COQ6: variants seen among roughly 807,000 people sequenced by gnomAD.
COQ6 encodes ubiquinone biosynthesis monooxygenase COQ6, mitochondrial.
A neutral mutation model predicts 55.5 loss-of-function variants in COQ6; 45 were observed. That is an observed-to-expected ratio of 0.81 (90% confidence interval 0.64 to 1.04). COQ6 has a LOEUF of 1.04. Ranked by LOEUF, COQ6 falls within the 50% of genes least tolerant of loss-of-function variation. The probability of loss-of-function intolerance (pLI) is 0.00; values close to 1 mark genes in which losing one functional copy is unlikely to be tolerated. For synonymous variants in COQ6, 206 were observed against 230.5 expected, an observed-to-expected ratio of 0.89 and a Z score of 0.96; for missense variants, 550 against 601.3, an observed-to-expected ratio of 0.91 and a Z score of 0.89.
upstream of COQ6, chr14:73,950,001 G>A (rs752601872): frequency 6.2e-7 from 1 of 1,613,072 alleles, no homozygotes; most frequent in Non-Finnish European, 8.5e-7. Flanking sequence ...GCCTCCGGGG[G>A]CTCCCTCAGG....
intron 8 of COQ6, chr14:73,960,149 C>T (rs1227708451): frequency 1.0e-6 from 1 of 989,582 alleles, no homozygotes; most frequent in Non-Finnish European, 1.2e-6. Context: ...ACCTTTCAAG[C>T]CTGATTCATT....
At position 73,955,475 on chromosome 14, in the gene COQ6, G is replaced by C; in HGVS notation, c.323G>C (p.Cys108Ser). 6.2e-7 allele frequency: 1 copy of C among 1,614,138 alleles called. No homozygotes were observed. The highest frequency in any genetic ancestry group is 1.1e-5 in the South Asian group (1 of 91,074). The part of the protein sequence containing the change: ...LSSFGAWDHI[C>S]NMRYRAFRRM... Reference sequence around the variant, plus strand: ...GGTTTTGGTGCCTGGGACCATATCTGCAACATGAGATACAGAGCCTTTCGG... The same window carrying C: ...GGTTTTGGTGCCTGGGACCATATCTCCAACATGAGATACAGAGCCTTTCGG... Residue 108 changes from cysteine (C) to serine (S), a missense_variant, in exon 3 of 12, where the codon TGC (cysteine) becomes TCC (serine). Cys to Ser is a moderately radical substitution (Grantham distance 112). Coordinates refer to ENST00000334571, the MANE Select transcript of COQ6 (RefSeq NM_182476.3).
intron 5 of COQ6, 189 bp from the exon 6 acceptor site, chr14:73,958,782 C>T (rs2056565011): frequency 1.3e-6 from 2 of 1,495,832 alleles, no homozygotes; most frequent in Non-Finnish European, 8.9e-7. Context: ...CCAGCTTTGG[C>T]TCTGTTGGCT....
At chr14:73,957,660 G>A (rs182690177) in intron 4 of COQ6, among the ~76,000 whole-genome samples, 5 of 152,108 alleles carry the variant, frequency 3.3e-5, no homozygotes, top group Admixed American at 2.0e-4. Flanking sequence ...GAACTCCTGG[G>A]CTCAAGTGAT....
intron 8 of COQ6, chr14:73,959,879 G>GT (rs2056630681): frequency 1.6e-6 from 2 of 1,236,038 alleles, no homozygotes; most frequent in Non-Finnish European, 2.0e-6. Flanking sequence ...CAGAAAGGTG[G>GT]TTTTGAGTCA....
In COQ6 at chr14:73,954,094, C is replaced by T. The variant is rs2056307305; in HGVS notation, c.298+525C>T. ...TCTTCCATCACTTTCTAGCCCCTTT[C>T]CCTGCTCTATTTTTCTTCATAATGC... On this transcript the variant is annotated intron_variant, in intron 2 of 11. Coordinates refer to ENST00000334571, the MANE Select transcript of COQ6 (RefSeq NM_182476.3). Among the ~76,000 whole-genome samples, 3 of 152,334 alleles carry T rather than the reference C, an allele frequency of 2.0e-5. No homozygotes were observed. In the South Asian group the frequency reaches 6.2e-4, roughly 32 times the overall value.
intron 3 of COQ6, 55 bp from the exon 4 acceptor site, chr14:73,955,750 T>A (rs1488668189): frequency 1.4e-5 from 22 of 1,613,302 alleles, no homozygotes; most frequent in Non-Finnish European, 1.8e-5. Context: ...TTGTTTCTGA[T>A]TGGAGTGATG....
chr14:73,950,132 T>C, upstream of COQ6: 2 of 1,598,584 alleles, frequency 1.3e-6, no homozygotes, highest in Non-Finnish European at 1.7e-6. Flanking sequence ...CTTTGGCGTC[T>C]GGTTGGCTTC....
intron 1 of COQ6, among the ~76,000 whole-genome samples, chr14:73,952,819 G>A (rs181206890): frequency 6.6e-6 from 1 of 152,112 alleles, no homozygotes; most frequent in East Asian, 1.9e-4. Context: ...GGGATTACAG[G>A]TGCCCGCCAT....
In COQ6 at chr14:73,955,942, C is replaced by G. The variant is rs762957015; in HGVS notation, c.481+14C>G. On this transcript the variant is annotated intron_variant, in intron 4 of 11. Transcript: ENST00000334571. ...AGGCTGTGTCTGGTGAGGCCCCCATCTTCCACCTTGCATTCATTGGGAAGT... is the reference window on the plus strand; with the variant it reads ...AGGCTGTGTCTGGTGAGGCCCCCATGTTCCACCTTGCATTCATTGGGAAGT... 3.7e-6 allele frequency: 6 copies of G among 1,613,930 alleles called. No homozygotes were observed. The East Asian group carries it at 1.3e-4, about 36-fold the overall frequency.
chr14:73,949,996 C>T (rs776289743), upstream of COQ6: 1 of 1,613,364 alleles, frequency 6.2e-7, no homozygotes, highest in South Asian at 1.1e-5. Flanking sequence ...TCCGCGCCTC[C>T]GGGGGCTCCC....
chr14:73,959,277 C>A, intron 7 of COQ6, 53 bp downstream of exon 7: 1 of 1,614,236 alleles, frequency 6.2e-7, no homozygotes, highest in South Asian at 1.1e-5. Flanking sequence ...CTTTCCTCTT[C>A]ACTTTCTCTC....
chr14:73,962,973 C>T lies in COQ6; in HGVS notation c.1381C>T (p.Gln461Ter), dbSNP rs778363311. The change falls in exon 12 of 12, where the codon CAG becomes TAG. Residue 461 changes from glutamine to a stop codon, truncating the protein, a stop_gained. Coordinates refer to ENST00000334571, the MANE Select transcript of COQ6 (RefSeq NM_182476.3). LOFTEE classifies it high-confidence loss of function. Reference protein sequence around the residue: ...ATNAVSPLKEQIMAFASK With the variant: ...ATNAVSPLKE ...TTCACTTTTATTTTTTCTCCAGGAA[C>T]AGATTATGGCCTTTGCAAGCAAATG... 1.2e-6 allele frequency: 2 copies of T among 1,608,052 alleles called. No homozygotes were observed. Among genetic ancestry groups the T allele is most frequent in the East Asian group, 2.2e-5 (1 of 44,846 alleles).
chr14:73,952,433 T>G (rs2056239888), intron 1 of COQ6, among the ~76,000 whole-genome samples: 1 of 151,970 alleles, frequency 6.6e-6, no homozygotes, highest in Non-Finnish European at 1.5e-5. Flanking sequence ...TTCTTTCTTT[T>G]CTTTTCTTTT....
intron 1 of COQ6, among the ~76,000 whole-genome samples, chr14:73,951,299 A>G (rs1309783967): frequency 1.3e-5 from 2 of 150,174 alleles, no homozygotes; most frequent in South Asian, 2.1e-4. Flanking sequence ...CCTGGCCATT[A>G]TTTTGTTTAT....
intron 2 of COQ6, chr14:73,953,893 G>A (rs541726154): frequency 1.0e-5 from 4 of 399,996 alleles, no homozygotes; most frequent in Non-Finnish European, 1.9e-5. Flanking sequence ...TGAATAGCAG[G>A]GCTCTCTTCA....
chr14:73,963,508 A>C lies in COQ6; in HGVS notation c.*509A>C, dbSNP rs1489302561. On this transcript the variant is annotated 3_prime_UTR_variant, in exon 12 of 12. Transcript: ENST00000334571. ...CTTTCTGAAAGGAAAACCAGGTCTC[A>C]TTAATGCTAGTTATTACTTTATCAC... 5.7e-6 allele frequency: 1 copy of C among 174,000 alleles called. No homozygotes were observed. The highest frequency in any genetic ancestry group is 1.2e-5 in the Non-Finnish European group (1 of 82,300). The allele number at this position is 174,000 out of a possible 1,614,324, so 10.8% of individuals were successfully genotyped here.
chr14:73,958,550 T>A, intron 5 of COQ6: 1 of 1,311,932 alleles, frequency 7.6e-7, no homozygotes, highest in South Asian at 1.5e-5. Flanking sequence ...GAGGCTGTTC[T>A]TTCCCTCTGA....
At chr14:73,954,660 G>A (rs936543111) in intron 2 of COQ6, among the ~76,000 whole-genome samples, 6 of 151,654 alleles carry the variant, frequency 4.0e-5, no homozygotes, top group East Asian at 3.9e-4. Flanking sequence ...TGGCTAACAC[G>A]GTGAAACCCT....
Sources: allele counts gnomAD v4.1 joint callset (sites outside exome capture counted in the v4.1 genomes callset), GRCh38; gene constraint gnomAD v4.1.1; transcripts MANE v1.5; gene names NCBI Gene and HGNC (gene_info 2026-07-23, HGNC 2026-07-21).